ENTPD6: variants seen among roughly 807,000 people sequenced by gnomAD.
ENTPD6 encodes CD39 antigen-like 2.
ENTPD6 carries 46 observed loss-of-function variants against 61.5 expected under a neutral mutation model. The observed-to-expected ratio is 0.75, with a 90% CI of 0.59 to 0.96. The LOEUF (loss-of-function observed/expected upper bound fraction) is 0.96, where lower values mean the gene tolerates loss of function less well. ENTPD6 is among the 40% of genes least tolerant of loss of function. The probability of loss-of-function intolerance (pLI) is 0.00; values close to 1 mark genes in which losing one functional copy is unlikely to be tolerated. For missense variants in ENTPD6, 612 were observed against 629.0 expected, an observed-to-expected ratio of 0.97 and a Z score of 0.29; for synonymous variants, 252 against 255.5, an observed-to-expected ratio of 0.99 and a Z score of 0.13.
chr20:25,202,128 A>G (rs934472833), intron 1 of ENTPD6, among the ~76,000 whole-genome samples: 2 of 152,212 alleles, frequency 1.3e-5, no homozygotes. Flanking sequence ...TGTATTTGCT[A>G]TTTATTAAGT....
chr20:25,200,915 C>G (rs536590006), intron 1 of ENTPD6, among the ~76,000 whole-genome samples: 4 of 152,090 alleles, frequency 2.6e-5, no homozygotes, highest in African/African-American at 7.2e-5. Context: ...GTTGTTTGAG[C>G]CCTTTCTTCT....
rs971140404 is a variant in ENTPD6 at position 25,195,895 on chromosome 20, G to T, written c.-16+28G>T. 2.4e-6 allele frequency: 3 copies of T among 1,231,284 alleles called. No individual in the cohort carries two copies. The Admixed American group carries it at 1.3e-4, about 52-fold the overall frequency. 76.3% of individuals were successfully genotyped at this position (1,231,284 alleles called of 1,614,324 possible). The stretch of plus-strand genomic sequence containing the variant: ...AAGCGGCGGGCCGGGGCGCTGGCGG[G>T]GGCGGCCGGGGATCACCGACTGTAG... On this transcript the variant is annotated intron_variant, in intron 1 of 14. Coordinates refer to ENST00000376652, the MANE Select transcript of ENTPD6 (RefSeq NM_001247.5).
intron 12 of ENTPD6, among the ~76,000 whole-genome samples, chr20:25,223,519 T>C (rs2092705559): frequency 6.6e-6 from 1 of 152,150 alleles, no homozygotes; most frequent in Non-Finnish European, 1.5e-5. Context: ...ATGTATGGCC[T>C]GTGGTACGGA....
At chr20:25,221,859 T>C (rs1036046020) in intron 11 of ENTPD6, 8 of 206,094 alleles carry the variant, frequency 3.9e-5, no homozygotes, top group Non-Finnish European at 7.9e-5. Flanking sequence ...ACCGTTCAGG[T>C]CCTTCCAAGT....
At chr20:25,222,355 G>A (rs1305929550) in intron 11 of ENTPD6, 1 of 157,882 alleles carries the variant, frequency 6.3e-6, no homozygotes, top group East Asian at 1.9e-4. Context: ...GGCGCCCTCA[G>A]ATGTCCACAC....
chr20:25,216,702 G>A lies in ENTPD6; in HGVS notation c.764G>A (p.Gly255Glu), dbSNP rs200746604. The change falls in exon 8 of 15, where the codon GGA (glycine) becomes GAA (glutamate). Residue 255 changes from glycine (G) to glutamate (E), a missense_variant. Coordinates refer to ENST00000376652, the MANE Select transcript of ENTPD6 (RefSeq NM_001247.5). ...GTGGGCATGCTGGACTTGGGCGGAG[G>A]ATCCACTCAGATCGCCTTCCTGCCA... ...SSVGMLDLGGGSTQIAFLPRV... is the reference protein window; with the variant it reads ...SSVGMLDLGGESTQIAFLPRV... 25 of 1,606,234 alleles carry A rather than the reference G, an allele frequency of 1.6e-5. No homozygotes were observed. The Admixed American group carries it at 3.5e-4, about 23-fold the overall frequency.
chr20:25,223,981 C>A (rs2092719668), intron 12 of ENTPD6, 120 bp from the exon 13 acceptor site: 1 of 880,208 alleles, frequency 1.1e-6, no homozygotes, highest in Non-Finnish European at 1.8e-6. Flanking sequence ...GAGGGCCTGC[C>A]TCAGAAGCCA....
rs1312902893 is a variant in ENTPD6, at chr20:25,218,571, G to A, written c.900G>A (p.Met300Ile). Residue 300 changes from methionine to isoleucine, a missense_variant, in exon 10 of 15, where the codon ATG becomes ATA. Transcript: ENST00000376652. ...ACAGCTACCTCGGGCTCGGGCTGATGTCGGCACGCCTGGCGATCCTGGGCG... is the reference window on the plus strand; with the variant it reads ...ACAGCTACCTCGGGCTCGGGCTGATATCGGCACGCCTGGCGATCCTGGGCG... ...YSYSYLGLGL[M>I]SARLAILGGV... 6.2e-7 allele frequency: 1 copy of A among 1,608,232 alleles called. No individual in the cohort carries two copies. The highest frequency in any genetic ancestry group is 8.5e-7 in the Non-Finnish European group (1 of 1,178,918).
intron 12 of ENTPD6, among the ~76,000 whole-genome samples, chr20:25,223,501 T>A (rs59082275): frequency 0.11 from 17,257 of 152,096 alleles, 3,078 homozygotes; most frequent in African/African-American, 0.38. Context: ...CATGGTGAGA[T>A]CATCAGAATG....
intron 6 of ENTPD6, 75 bp downstream of exon 6, chr20:25,215,017 C>T: frequency 1.0e-6 from 1 of 958,472 alleles, no homozygotes; most frequent in South Asian, 1.3e-5. Flanking sequence ...CTGCTTCTAA[C>T]CATCCGCCAC....
chr20:25,197,263 G>T (rs1168283501), intron 1 of ENTPD6: 2 of 984,356 alleles, frequency 2.0e-6, no homozygotes, highest in East Asian at 1.1e-4. Context: ...CCAACCAGGG[G>T]ACAGGGTAGC....
At chr20:25,205,222 A>C (rs1022937476) in intron 1 of ENTPD6, among the ~76,000 whole-genome samples, 1 of 152,086 alleles carries the variant, frequency 6.6e-6, no homozygotes, top group African/African-American at 2.4e-5. Context: ...AGGTCTATGA[A>C]TACTGGTTTC....
intron 10 of ENTPD6, among the ~76,000 whole-genome samples, chr20:25,220,361 T>C (rs2092581093): frequency 6.6e-6 from 1 of 151,364 alleles, no homozygotes; most frequent in African/African-American, 2.4e-5. Flanking sequence ...TGCAGGTGCA[T>C]GTGGCTGTGG....
chr20:25,225,777 T>G lies in ENTPD6; in HGVS notation c.*180T>G, dbSNP rs1206296362. On this transcript the variant is annotated 3_prime_UTR_variant, in exon 15 of 15. Transcript: ENST00000376652. ...CTGGCATCAGCCTCTTCCAGTCACATCTGGCCAGAGGGCTGTCTGGACCTG... is the reference window on the plus strand; with the variant it reads ...CTGGCATCAGCCTCTTCCAGTCACAGCTGGCCAGAGGGCTGTCTGGACCTG... 1.7e-6 allele frequency: 1 copy of G among 596,132 alleles called. No individual in the cohort carries two copies. Among genetic ancestry groups the G allele is most frequent in the Non-Finnish European group, 3.0e-6 (1 of 337,756 alleles). The allele number at this position is 596,132 out of a possible 1,614,324, so 36.9% of individuals were successfully genotyped here.
chr20:25,216,855 C>T (rs954921235), intron 8 of ENTPD6, 119 bp downstream of exon 8: 5 of 672,276 alleles, frequency 7.4e-6, no homozygotes, highest in African/African-American at 5.4e-5. Flanking sequence ...TTGGCCAGGT[C>T]TCTGGACCCC....
In ENTPD6 at chr20:25,224,136, T is replaced by A. The variant is rs1256027156; in HGVS notation, c.1222T>A (p.Phe408Ile). ...EKGGSLVVGD[F>I]EIAAKYVCRT... Reference sequence around the variant, plus strand: ...GGGAGGCAGCCTGGTGGTGGGGGACTTCGAGATCGCAGCCAAGTACGGTGA... The same window carrying A: ...GGGAGGCAGCCTGGTGGTGGGGGACATCGAGATCGCAGCCAAGTACGGTGA... The change falls in exon 13 of 15, where the codon TTC becomes ATC. Residue 408 changes from phenylalanine to isoleucine, a missense_variant. Physicochemically the swap from Phe to Ile is conservative, Grantham distance 21 (BLOSUM62 0). Coordinates refer to ENST00000376652, the MANE Select transcript of ENTPD6 (RefSeq NM_001247.5). The A allele has an allele frequency of 1.9e-6, 3 of 1,612,470 alleles. No homozygotes were observed. Among genetic ancestry groups the A allele is most frequent in the Non-Finnish European group, 2.5e-6 (3 of 1,179,314 alleles).
chr20:25,209,768 A>G, intron 3 of ENTPD6, 81 bp from the exon 4 acceptor site: 1 of 1,242,586 alleles, frequency 8.0e-7, no homozygotes, highest in Non-Finnish European at 1.2e-6. Context: ...TCTGTCTTTA[A>G]AAAGTGTGGC....
Position 25,205,147 on chromosome 20 carries a change from A to G in ENTPD6, c.-15-1375A>G, listed in dbSNP as rs989255465. On this transcript the variant is annotated intron_variant, in intron 1 of 14. Coordinates refer to ENST00000376652, the MANE Select transcript of ENTPD6 (RefSeq NM_001247.5). ...TGCCATGCTGGGCAGCAGCAGCACA[A>G]GACAAGCTGAGTCCCTGCCCTGGGG... 5.3e-5 allele frequency among the ~76,000 whole-genome samples: 8 copies of G among 152,192 alleles called. No individual in the cohort carries two copies. In the South Asian group the frequency reaches 1.2e-3, roughly 24 times the overall value.
Position 25,215,692 on chromosome 20 carries a change from C to T in ENTPD6, c.690C>T (p.Ile230=). ...NGTDEGVSAW[I]TINFLTGSLK... The stretch of plus-strand genomic sequence containing the variant: ...CTCTTGCAGGCGTTTCGGCGTGGAT[C>T]ACCATCAACTTCCTGACAGGTGTGT... The change falls in exon 7 of 15, where the codon ATC becomes ATT. Residue 230 remains isoleucine, a synonymous_variant. Transcript: ENST00000376652. 1 of 1,614,236 alleles carries T rather than the reference C, an allele frequency of 6.2e-7. No individual in the cohort carries two copies. The highest frequency in any genetic ancestry group is 2.2e-5 in the East Asian group (1 of 44,888).
Sources: gnomAD v4.1 joint callset for allele counts (sites outside exome capture counted in the v4.1 genomes callset) on GRCh38, gnomAD v4.1.1 for gene constraint, MANE v1.5 for transcripts, NCBI Gene and HGNC (gene_info 2026-07-23, HGNC 2026-07-21) for gene names.